The following NUDT7 variants were observed in gnomAD, a reference collection of about 807,000 sequenced individuals.
NUDT7 encodes the protein nudix hydrolase 7.
NUDT7 carries 19 observed loss-of-function variants against 13.1 expected under a neutral mutation model. The ratio of observed to expected loss-of-function variants is 1.45; its 90% CI spans 1.01 to 2.13. NUDT7 has a LOEUF of 2.13. Ranked by LOEUF, NUDT7 falls within the 30% of genes most tolerant of loss-of-function variation. The pLI is 0.00. For missense variants in NUDT7, 360 were observed against 291.7 expected (o/e 1.23, Z -1.71); for synonymous variants, 132 against 109.7 (o/e 1.20, Z -1.27).
intron 1 of NUDT7, 34 bp downstream of exon 1, chr16:77,722,651 TGGTCAGGCCC>T: frequency 6.4e-7 from 1 of 1,574,004 alleles, no homozygotes; most frequent in Non-Finnish European, 8.6e-7. Context: ...ACCCCGAGCT[TGGTCAGGCCC>T]GGCCTTGATC....
Position 77,733,923 on chromosome 16 carries a change from G to A in NUDT7, c.190-1905G>A, listed in dbSNP as rs1271338314. Among the ~76,000 whole-genome samples, 8 of 152,274 alleles carry A rather than the reference G, an allele frequency of 5.3e-5. No homozygotes were observed. In the East Asian group the frequency reaches 1.4e-3, roughly 26 times the overall value. On this transcript the variant is annotated intron_variant, in intron 2 of 3. Coordinates refer to ENST00000268533, the MANE Select transcript of NUDT7 (RefSeq NM_001105663.3). ...GCCCTGCAGAAGAGAGAACAGTGGA[G>A]GGTTTGTGCCTCTCCACTTCTGCCC...
At chr16:77,735,459 GAAGCC>G in intron 2 of NUDT7, 2 of 664,250 alleles carry the variant, frequency 3.0e-6, no homozygotes, top group Non-Finnish European at 2.7e-6. Context: ...GGTCTCCCCA[GAAGCC>G]AAGCAGACGC....
intron 1 of NUDT7, among the ~76,000 whole-genome samples, chr16:77,724,309 C>T (rs1388455164): frequency 2.0e-5 from 3 of 152,206 alleles, no homozygotes; most frequent in African/African-American, 4.8e-5. Context: ...TCACCCAGGC[C>T]GGAGTGCAGT....
rs1206987952 is a variant in NUDT7, at chr16:77,742,041, C to T, written c.*91C>T. 8.1e-6 allele frequency: 12 copies of T among 1,489,262 alleles called. No homozygotes were observed. Among genetic ancestry groups the T allele is most frequent in the East Asian group, 2.3e-5 (1 of 43,762 alleles). 92.3% of individuals were successfully genotyped at this position (1,489,262 alleles called of 1,614,324 possible). On this transcript the variant is annotated 3_prime_UTR_variant, in exon 4 of 4. Coordinates refer to ENST00000268533, the MANE Select transcript of NUDT7 (RefSeq NM_001105663.3). ...AACAATGCCAGCTGTTGGAATTTGA[C>T]AGGTGTGAATATTTTTTCTGCAGTA...
chr16:77,728,686 T>C (rs565797557), intron 2 of NUDT7, among the ~76,000 whole-genome samples: 1 of 152,330 alleles, frequency 6.6e-6, no homozygotes, highest in South Asian at 2.1e-4. Context: ...TGCTGCATGC[T>C]GTTGGATGCT....
In NUDT7 at chr16:77,722,653, G is replaced by T. The variant is rs771099542; in HGVS notation, c.35+36G>T. 4 of 1,570,166 alleles carry T rather than the reference G, an allele frequency of 2.5e-6. No homozygotes were observed. The South Asian group carries it at 3.5e-5, about 14-fold the overall frequency. On this transcript the variant is annotated intron_variant, in intron 1 of 3. Coordinates refer to ENST00000268533, the MANE Select transcript of NUDT7 (RefSeq NM_001105663.3). The stretch of plus-strand genomic sequence containing the variant: ...TCCGGGCCCTGGCACCCCGAGCTTG[G>T]TCAGGCCCGGCCTTGATCGTAGCGG...
intron 1 of NUDT7, 118 bp downstream of exon 1, chr16:77,722,735 C>A (rs2013998115): frequency 1.1e-6 from 1 of 947,222 alleles, no homozygotes; most frequent in Non-Finnish European, 1.6e-6. Context: ...AGTCCACCTG[C>A]GAGCGCCGGA....
Position 77,722,604 on chromosome 16 carries a change from G to T in NUDT7, c.22G>T (p.Glu8Ter), listed in dbSNP as rs182579196. 2,528 of 1,594,210 alleles carry T rather than the reference G, an allele frequency of 1.6e-3. 51 individuals carry two copies. The Admixed American group carries it at 0.036, about 23-fold the overall frequency. MSRLGLP[E>*]EPVRNSLLDD... is the part of the protein sequence containing the mutation. ...GGCAATGTCACGACTTGGTCTTCCC[G>T]AGGAGCCAGTCAGGTAAAGGCTTTC... is the stretch of plus-strand genomic sequence containing the variant. The change falls in exon 1 of 4, where the codon GAG (glutamate) becomes TAG (stop). Residue 8 changes from glutamate (E) to a stop codon, truncating the protein, a stop_gained. Coordinates refer to ENST00000268533, the MANE Select transcript of NUDT7 (RefSeq NM_001105663.3). LOFTEE classifies it high-confidence loss of function.
intron 1 of NUDT7, among the ~76,000 whole-genome samples, chr16:77,723,222 C>T (rs1224406706): frequency 6.6e-6 from 1 of 152,262 alleles, no homozygotes; most frequent in East Asian, 1.9e-4. Context: ...CTGTGGTTTC[C>T]GGGTGGTTAA....
chr16:77,734,202 G>A (rs1322594620), intron 2 of NUDT7, among the ~76,000 whole-genome samples: 1 of 152,132 alleles, frequency 6.6e-6, no homozygotes, highest in African/African-American at 2.4e-5. Flanking sequence ...GTGTTGTACT[G>A]ATTAAAAACA....
chr16:77,740,326 A>C lies in NUDT7; in HGVS notation c.349-1256A>C, dbSNP rs142328203. ...ACATTCTGCAGGCCGGATAGGTCCCAGCCTCACCATGTGTCTACCTCTCTG... is the reference window on the plus strand; with the variant it reads ...ACATTCTGCAGGCCGGATAGGTCCCCGCCTCACCATGTGTCTACCTCTCTG... On this transcript the variant is annotated intron_variant, in intron 3 of 3. Coordinates refer to ENST00000268533, the MANE Select transcript of NUDT7 (RefSeq NM_001105663.3). Among the ~76,000 whole-genome samples, 149 of 152,214 alleles carry C rather than the reference A, an allele frequency of 9.8e-4. 3 individuals carry two copies. The highest frequency in any genetic ancestry group is 3.5e-3 in the African/African-American group (144 of 41,536).
At chr16:77,728,754 G>A (rs1456473602) in intron 2 of NUDT7, among the ~76,000 whole-genome samples, 1 of 152,146 alleles carries the variant, frequency 6.6e-6, no homozygotes, top group Non-Finnish European at 1.5e-5. Context: ...ACTCCTCTCA[G>A]AACCCTAGAT....
intron 2 of NUDT7, among the ~76,000 whole-genome samples, chr16:77,734,673 A>C (rs1444633593): frequency 6.6e-6 from 1 of 152,192 alleles, no homozygotes; most frequent in Non-Finnish European, 1.5e-5. Context: ...ATGAGTGGAT[A>C]AACAAACTGT....
chr16:77,722,574 C>A lies in NUDT7; in HGVS notation c.-9C>A, dbSNP rs754326874. ...GGAGTCCGCCCGGAAACAAACATTCCCCAGGGCAATGTCACGACTTGGTCT... is the reference window on the plus strand; with the variant it reads ...GGAGTCCGCCCGGAAACAAACATTCACCAGGGCAATGTCACGACTTGGTCT... On this transcript the variant is annotated 5_prime_UTR_variant, in exon 1 of 4. Coordinates refer to ENST00000268533, the MANE Select transcript of NUDT7 (RefSeq NM_001105663.3). 4 of 1,587,542 alleles carry A rather than the reference C, an allele frequency of 2.5e-6. No homozygotes were observed. Among genetic ancestry groups the A allele is most frequent in the Non-Finnish European group, 2.6e-6 (3 of 1,166,240 alleles).
intron 2 of NUDT7, among the ~76,000 whole-genome samples, chr16:77,729,824 CAATA>C (rs1180944167): frequency 6.8e-6 from 1 of 147,792 alleles, no homozygotes; most frequent in Non-Finnish European, 1.5e-5. Context: ...GACTCTATCT[CAATA>C]AATAAATAAA....
At chr16:77,734,006 G>A (rs189801073) in intron 2 of NUDT7, among the ~76,000 whole-genome samples, 1 of 152,244 alleles carries the variant, frequency 6.6e-6, no homozygotes, top group East Asian at 1.9e-4. Context: ...ATTTTAGGAT[G>A]CTATAGAGAC....
At chr16:77,722,707 G>C in intron 1 of NUDT7, 90 bp downstream of exon 1, 2 of 1,299,924 alleles carry the variant, frequency 1.5e-6, no homozygotes, top group Non-Finnish European at 1.1e-6. Flanking sequence ...GGCCGGGACT[G>C]ATTTTGCAGC....
chr16:77,739,608 C>G (rs1247323473), intron 3 of NUDT7, among the ~76,000 whole-genome samples: 1 of 152,182 alleles, frequency 6.6e-6, no homozygotes, highest in East Asian at 1.9e-4. Context: ...TCAGTCTCAT[C>G]TGGTGACTAA....
intron 2 of NUDT7, chr16:77,735,397 T>C (rs1030046270): frequency 3.4e-6 from 2 of 589,218 alleles, no homozygotes; most frequent in East Asian, 2.8e-5. Flanking sequence ...GCTCCAGCCA[T>C]GTGAAGTGCT....
Sources: allele counts gnomAD v4.1 joint callset (sites outside exome capture counted in the v4.1 genomes callset), GRCh38; gene constraint gnomAD v4.1.1; transcripts MANE v1.5; gene names NCBI Gene and HGNC (gene_info 2026-07-23, HGNC 2026-07-21).